DCAF1: variants seen among roughly 807,000 people sequenced by gnomAD.
The protein encoded by DCAF1 is DDB1 and CUL4 associated factor 1.
DCAF1 carries 15 observed loss-of-function variants against 128.0 expected under a neutral mutation model. The ratio of observed to expected loss-of-function variants is 0.12; its 90% CI spans 0.08 to 0.18. The LOEUF (loss-of-function observed/expected upper bound fraction) is 0.18. DCAF1 is among the 10% of genes least tolerant of loss of function. The pLI is 1.00. For missense variants in DCAF1, 988 were observed against 1,649.5 expected, an observed-to-expected ratio of 0.60 and a Z score of 6.95; for synonymous variants, 610 against 603.0, an observed-to-expected ratio of 1.01 and a Z score of -0.17.
chr3:51,466,353 A>T (rs1577240330), intron 5 of DCAF1, among the ~76,000 whole-genome samples: 1 of 151,980 alleles, frequency 6.6e-6, no homozygotes, highest in Non-Finnish European at 1.5e-5. Flanking sequence ...CCAAAAACAA[A>T]CCTATCAGCC....
chr3:51,451,069 CTTTTTTTTTTTTTTTTTT>C (rs1167474829), intron 6 of DCAF1, among the ~76,000 whole-genome samples: 770 of 27,122 alleles, frequency 0.028, 38 homozygotes, highest in African/African-American at 0.094. Flanking sequence ...AAAGGAAATT[CTTTTTTTTTTTTTTTTTT>C]TTTTTTTTTT....
At chr3:51,467,504 TGGGGAGA>T (rs1376939896) in intron 4 of DCAF1, among the ~76,000 whole-genome samples, 4 of 151,086 alleles carry the variant, frequency 2.6e-5, no homozygotes, top group African/African-American at 9.8e-5. Context: ...TGTTGTGGGG[TGGGGAGA>T]GGGGAGAGGG....
chr3:51,492,500 G>A (rs1433658153), intron 2 of DCAF1, among the ~76,000 whole-genome samples: 7 of 151,980 alleles, frequency 4.6e-5, no homozygotes, highest in Non-Finnish European at 2.9e-5. Context: ...TGGGCAAAAG[G>A]AGTGAGACTT....
At chr3:51,484,660 G>A (rs1470480953) in intron 2 of DCAF1, among the ~76,000 whole-genome samples, 1 of 150,880 alleles carries the variant, frequency 6.6e-6, no homozygotes, top group Non-Finnish European at 1.5e-5. Flanking sequence ...AAACAGCATG[G>A]CACACTCCTG....
Position 51,420,608 on chromosome 3 carries a change from G to C in DCAF1, c.2362C>G (p.Gln788Glu), listed in dbSNP as rs376548337. ...LPLFSSCQIQQLMKEPVLQDK... is the reference protein window; with the variant it reads ...LPLFSSCQIQELMKEPVLQDK... ...TGCAGCACAGGCTCCTTCATCAGCT[G>C]CTGGATCTGGCAGCTGCTGAAAAGG... Residue 788 changes from glutamine (Q) to glutamate (E), a missense_variant, in exon 15 of 25, where the codon CAG becomes GAG. Physicochemically the swap from Gln to Glu is conservative, Grantham distance 29 (BLOSUM62 2). Coordinates refer to ENST00000684031, the MANE Select transcript of DCAF1 (RefSeq NM_001387579.1). The surrounding 1 kb of genome is among the most constrained non-coding windows in gnomAD (Gnocchi z 6.5). 2 of 1,613,854 alleles carry C rather than the reference G, an allele frequency of 1.2e-6. No individual in the cohort carries two copies. Among genetic ancestry groups the C allele is most frequent in the Non-Finnish European group, 1.7e-6 (2 of 1,179,862 alleles).
chr3:51,415,717 A>T (rs1553630147), intron 18 of DCAF1, among the ~76,000 whole-genome samples: 1 of 152,090 alleles, frequency 6.6e-6, no homozygotes, highest in Non-Finnish European at 1.5e-5. Flanking sequence ...CTTCCTGAGT[A>T]GCTGGGACTA....
At chr3:51,437,275 A>G (rs1700927273) in intron 9 of DCAF1, 1 of 377,688 alleles carries the variant, frequency 2.6e-6, no homozygotes, top group Admixed American at 3.4e-5. Context: ...TCAAAAAAAA[A>G]AAAAAAAAAA....
At chr3:51,424,575 A>G (rs1699737109) in intron 13 of DCAF1, among the ~76,000 whole-genome samples, 1 of 152,216 alleles carries the variant, frequency 6.6e-6, no homozygotes, top group African/African-American at 2.4e-5. Flanking sequence ...GAGAGCCTCC[A>G]AAAGGAGGTT....
chr3:51,441,423 T>C lies in DCAF1; in HGVS notation c.988A>G (p.Ile330Val). ...PMTPAIEQRL[I>V]LQYLTPLGEY... ...CCTAGAGGGGTCAAATATTGGAGAATGAGTCGCTGCTCGATAGCAGGAGTC... is the reference window on the plus strand; with the variant it reads ...CCTAGAGGGGTCAAATATTGGAGAACGAGTCGCTGCTCGATAGCAGGAGTC... The change falls in exon 8 of 25, where the codon ATT becomes GTT. Residue 330 changes from isoleucine to valine, a missense_variant. This residue lies in a region of DCAF1 where 19 missense variants were observed against 61.4 expected (regional missense o/e 0.31). Coordinates refer to ENST00000684031, the MANE Select transcript of DCAF1 (RefSeq NM_001387579.1). 6.2e-7 allele frequency: 1 copy of C among 1,613,818 alleles called. No homozygotes were observed. The highest frequency in any genetic ancestry group is 8.5e-7 in the Non-Finnish European group (1 of 1,179,832).
In DCAF1 at chr3:51,441,126, C is replaced by G. The variant is rs1701321351; in HGVS notation, c.1027-55G>C. ...ATTTTGGCTTTATTGTCATGTATTT[C>G]CTATTCCACTCTTTGAGGATAGAAG... On this transcript the variant is annotated intron_variant, in intron 8 of 24. Coordinates refer to ENST00000684031, the MANE Select transcript of DCAF1 (RefSeq NM_001387579.1). The G allele has an allele frequency of 2.7e-6, 4 of 1,462,566 alleles. No individual in the cohort carries two copies. In the Admixed American group the frequency reaches 5.9e-5, roughly 21 times the overall value. 90.6% of individuals were successfully genotyped at this position (1,462,566 alleles called of 1,614,324 possible).
intron 6 of DCAF1, among the ~76,000 whole-genome samples, chr3:51,460,516 C>T (rs1202092042): frequency 6.6e-6 from 1 of 151,498 alleles, no homozygotes; most frequent in Non-Finnish European, 1.5e-5. Context: ...ATGCCATCCC[C>T]ATCAAGCTAC....
rs374993844 is a variant in DCAF1 at position 51,497,312 on chromosome 3, G to A, written c.-55-532C>T. Among the ~76,000 whole-genome samples the A allele has an allele frequency of 8.0e-5, 12 of 150,540 alleles. No individual in the cohort carries two copies. In the South Asian group the frequency reaches 1.1e-3, roughly 13 times the overall value. The stretch of plus-strand genomic sequence containing the variant: ...TGTCTCAAAAAAAATAAAAATAGGC[G>A]GGCACGGTGGCTCACGCCTGTAATC... On this transcript the variant is annotated intron_variant, in intron 1 of 24. Transcript: ENST00000684031.
At chr3:51,479,883 A>G (rs552260860) in intron 3 of DCAF1, among the ~76,000 whole-genome samples, 33 of 152,250 alleles carry the variant, frequency 2.2e-4, no homozygotes, top group Middle Eastern at 3.4e-3. Flanking sequence ...TGACAGGAGT[A>G]TTAAAACAAA....
At chr3:51,468,988 T>C (rs189427557) in intron 4 of DCAF1, among the ~76,000 whole-genome samples, 2 of 152,286 alleles carry the variant, frequency 1.3e-5, no homozygotes, top group Admixed American at 6.5e-5. Context: ...ATTTGAGTTA[T>C]TGAAGATGTG....
intron 9 of DCAF1, among the ~76,000 whole-genome samples, chr3:51,435,410 C>T (rs1348307741): frequency 2.0e-5 from 3 of 152,174 alleles, no homozygotes; most frequent in East Asian, 1.9e-4. Context: ...TGTAGAGACA[C>T]GTTACTCTAA....
At chr3:51,436,101 T>C (rs1232459817) in intron 9 of DCAF1, among the ~76,000 whole-genome samples, 2 of 152,180 alleles carry the variant, frequency 1.3e-5, no homozygotes, top group African/African-American at 4.8e-5. Flanking sequence ...TAAAGAACCT[T>C]AGTAACTTGA....
In DCAF1 at chr3:51,466,883, A is replaced by C; in HGVS notation, c.188-7T>G. ...CACTCTGGATCAGCTCGACCTACCA[A>C]GAGAAGAGGGGAGGAACAAACAAAG... On this transcript the variant is annotated splice_region_variant and splice_polypyrimidine_tract_variant and intron_variant, in intron 4 of 24. Transcript: ENST00000684031. 2 of 1,613,632 alleles carry C rather than the reference A, an allele frequency of 1.2e-6. No individual in the cohort carries two copies. Among genetic ancestry groups the C allele is most frequent in the South Asian group, 2.2e-5 (2 of 91,054 alleles).
chr3:51,420,547 T>A lies in DCAF1; in HGVS notation c.2423A>T (p.Tyr808Phe), dbSNP rs1699303328. ...CACCCGTTCAATGAGTTCAGCAGCA[T>A]ACTTGCAGAACTTGACATGGTCACT... ...KRSDHVKFCK[Y>F]AAELIERVSG... The change falls in exon 15 of 25, where the codon TAT becomes TTT. Residue 808 changes from tyrosine to phenylalanine, a missense_variant. Coordinates refer to ENST00000684031, the MANE Select transcript of DCAF1 (RefSeq NM_001387579.1). The surrounding 1 kb of genome is among the most constrained non-coding windows in gnomAD (Gnocchi z 6.5). 1 of 1,613,970 alleles carries A rather than the reference T, an allele frequency of 6.2e-7. No individual in the cohort carries two copies. The highest frequency in any genetic ancestry group is 1.1e-5 in the South Asian group (1 of 91,084).
intron 16 of DCAF1, 86 bp from the exon 17 acceptor site, chr3:51,418,284 G>A: frequency 1.3e-6 from 2 of 1,512,668 alleles, no homozygotes; most frequent in Non-Finnish European, 1.8e-6. Flanking sequence ...TTAAAGATTT[G>A]CATAAAAATG....
Sources: allele counts gnomAD v4.1 joint callset (sites outside exome capture counted in the v4.1 genomes callset), GRCh38; gene constraint gnomAD v4.1.1; regional missense constraint gnomAD v4.1.1; non-coding constraint Gnocchi (gnomAD v3.1); transcripts MANE v1.5; gene names NCBI Gene and HGNC (gene_info 2026-07-23, HGNC 2026-07-21).